Variants in ITGA9 observed in about 807,000 individuals in gnomAD.
ITGA9 encodes integrin alpha-9.
In ITGA9, 56 loss-of-function variants were observed where a neutral mutation model predicts 127.8. The observed-to-expected ratio is 0.44, with a 90% CI of 0.35 to 0.55. The LOEUF (loss-of-function observed/expected upper bound fraction) is 0.55. ITGA9 is among the 20% of genes least tolerant of loss of function. The pLI, the probability that ITGA9 is intolerant of heterozygous loss-of-function variation, is 0.00. For missense variants in ITGA9, 1,196 were observed against 1,347.1 expected (o/e 0.89, Z 1.76); for synonymous variants, 508 against 514.5 (o/e 0.99, Z 0.17).
chr3:37,757,372 A>T (rs939232136), intron 23 of ITGA9, among the ~76,000 whole-genome samples: 1 of 151,584 alleles, frequency 6.6e-6, no homozygotes, highest in Non-Finnish European at 1.5e-5. Context: ...AATTTATAAC[A>T]TCTTTTGAGC....
intron 18 of ITGA9, among the ~76,000 whole-genome samples, chr3:37,727,760 T>C (rs913280658): frequency 2.0e-5 from 3 of 152,242 alleles, no homozygotes; most frequent in Admixed American, 1.3e-4. Context: ...ATTTTAACAA[T>C]GGTCACTTTT....
chr3:37,516,991 A>G (rs1698989851), intron 9 of ITGA9, among the ~76,000 whole-genome samples: 1 of 152,250 alleles, frequency 6.6e-6, no homozygotes, highest in Non-Finnish European at 1.5e-5. Flanking sequence ...CCTCTGGCCA[A>G]GAACGACTGG....
chr3:37,675,768 G>A (rs1432446944), intron 17 of ITGA9, among the ~76,000 whole-genome samples: 2 of 128,842 alleles, frequency 1.6e-5, no homozygotes, highest in Admixed American at 8.2e-5. Flanking sequence ...TTTTTGAGAT[G>A]GAATCTTGCT....
chr3:37,655,585 G>T (rs1408663964), intron 17 of ITGA9, among the ~76,000 whole-genome samples: 2 of 152,022 alleles, frequency 1.3e-5, no homozygotes, highest in African/African-American at 2.4e-5. Context: ...TGTAGATTCT[G>T]GATATTAGCC....
At chr3:37,706,080 G>T (rs138433560) in intron 18 of ITGA9, among the ~76,000 whole-genome samples, 3 of 152,166 alleles carry the variant, frequency 2.0e-5, no homozygotes, top group Admixed American at 6.5e-5. Context: ...GTGCCATTTG[G>T]GGGGAAATGA....
At chr3:37,476,687 C>T (rs947342052) in intron 3 of ITGA9, among the ~76,000 whole-genome samples, 1 of 152,146 alleles carries the variant, frequency 6.6e-6, no homozygotes, top group Non-Finnish European at 1.5e-5. Context: ...CTGCCTCCTT[C>T]GTGAAGCCTG....
intron 15 of ITGA9, among the ~76,000 whole-genome samples, chr3:37,608,557 C>G (rs1699989887): frequency 6.6e-6 from 1 of 152,134 alleles, no homozygotes; most frequent in Non-Finnish European, 1.5e-5. Context: ...CAGGTTTGTC[C>G]TTGGGCCCCA....
chr3:37,508,640 G>T lies in ITGA9; in HGVS notation c.897+13G>T. On this transcript the variant is annotated intron_variant, in intron 8 of 27. Transcript: ENST00000264741. ...ATCAGGTAAAAAGGTGAGGTTCTTG[G>T]TATAAGTGACTATTTTTTATTTGAG... 1 of 1,606,620 alleles carries T rather than the reference G, an allele frequency of 6.2e-7. No individual in the cohort carries two copies. The highest frequency in any genetic ancestry group is 8.5e-7 in the Non-Finnish European group (1 of 1,173,286).
At chr3:37,571,042 G>C (rs966165315) in intron 15 of ITGA9, among the ~76,000 whole-genome samples, 1 of 152,218 alleles carries the variant, frequency 6.6e-6, no homozygotes, top group Non-Finnish European at 1.5e-5. Flanking sequence ...TTTCCCTTTA[G>C]GAGTGGTAAT....
In ITGA9 at chr3:37,789,327, T is replaced by A. The variant is rs112876133; in HGVS notation, c.2889+4249T>A. On this transcript the variant is annotated intron_variant, in intron 26 of 27. Coordinates refer to ENST00000264741, the MANE Select transcript of ITGA9 (RefSeq NM_002207.3). Reference sequence around the variant, plus strand: ...TGTGCCTAAAATAGCAAATTAACTCTTCTACTTATAATAAAGGTGCAGATG... The same window carrying A: ...TGTGCCTAAAATAGCAAATTAACTCATCTACTTATAATAAAGGTGCAGATG... Among the ~76,000 whole-genome samples the A allele has an allele frequency of 1.3e-3, 198 of 152,318 alleles. 3 individuals carry two copies. The highest frequency in any genetic ancestry group is 4.5e-3 in the African/African-American group (188 of 41,574).
At chr3:37,569,028 C>G (rs1052580122) in intron 15 of ITGA9, among the ~76,000 whole-genome samples, 1 of 152,192 alleles carries the variant, frequency 6.6e-6, no homozygotes, top group Non-Finnish European at 1.5e-5. Flanking sequence ...CAATACCCCA[C>G]TCCTGGTACC....
At chr3:37,733,515 C>CAAAA (rs58505517) in intron 19 of ITGA9, among the ~76,000 whole-genome samples, 11 of 80,374 alleles carry the variant, frequency 1.4e-4, no homozygotes, top group Admixed American at 7.5e-4. Flanking sequence ...CTCCGTCTCA[C>CAAAA]AAAAAAAAAA....
intron 18 of ITGA9, among the ~76,000 whole-genome samples, chr3:37,714,272 A>C (rs951738413): frequency 2.0e-5 from 3 of 152,210 alleles, no homozygotes; most frequent in Non-Finnish European, 2.9e-5. Context: ...TACTCTGTAA[A>C]TGTATGTCCA....
chr3:37,565,731 A>C (rs932709903), intron 15 of ITGA9, among the ~76,000 whole-genome samples: 3 of 152,176 alleles, frequency 2.0e-5, no homozygotes, highest in Non-Finnish European at 2.9e-5. Context: ...ATAGATTGCT[A>C]GGCTCACTCC....
chr3:37,744,058 C>G, intron 22 of ITGA9, 24 bp downstream of exon 22: 1 of 1,487,800 alleles, frequency 6.7e-7, no homozygotes, highest in Non-Finnish European at 9.4e-7. Context: ...GAGACCTCCT[C>G]TGTCCGTGGG....
chr3:37,706,619 C>T (rs1559573815), intron 18 of ITGA9, among the ~76,000 whole-genome samples: 2 of 152,132 alleles, frequency 1.3e-5, no homozygotes, highest in Non-Finnish European at 2.9e-5. Flanking sequence ...TGTTAAGGGC[C>T]ACCTCCAAGG....
chr3:37,758,141 G>A (rs1037932574), intron 23 of ITGA9, among the ~76,000 whole-genome samples: 22 of 149,816 alleles, frequency 1.5e-4, no homozygotes, highest in Non-Finnish European at 2.7e-4. Context: ...GGCTAACAAG[G>A]TGAAACCCCG....
chr3:37,526,526 C>T (rs114106882), intron 13 of ITGA9, among the ~76,000 whole-genome samples: 259 of 152,308 alleles, frequency 1.7e-3, no homozygotes, highest in African/African-American at 6.0e-3. Context: ...CCCTGGGGAC[C>T]GGGAGCCTCC....
At chr3:37,459,171 A>G (rs1294615987) in intron 1 of ITGA9, among the ~76,000 whole-genome samples, 1 of 152,258 alleles carries the variant, frequency 6.6e-6, no homozygotes, top group African/African-American at 2.4e-5. Context: ...GCAACAGTGT[A>G]TCTGAATATT....
Sources: gnomAD v4.1 joint callset for allele counts (sites outside exome capture counted in the v4.1 genomes callset) on GRCh38, gnomAD v4.1.1 for gene constraint, MANE v1.5 for transcripts, NCBI Gene and HGNC (gene_info 2026-07-23, HGNC 2026-07-21) for gene names.